Variants in RIMBP2 observed in about 807,000 individuals in gnomAD.
The protein encoded by RIMBP2 is RIMS binding protein 2.
RIMBP2 carries 48 observed loss-of-function variants against 118.6 expected under a neutral mutation model. That is an observed-to-expected ratio of 0.40 (90% CI 0.32 to 0.51). The LOEUF (loss-of-function observed/expected upper bound fraction) is 0.51. Among genes scored for constraint, RIMBP2 ranks in the 20% least tolerant of loss-of-function variants. The pLI is 0.41. For missense variants in RIMBP2, 1,551 were observed against 1,768.3 expected (o/e 0.88, Z 2.20); for synonymous variants, 762 against 742.9 (o/e 1.03, Z -0.42).
At chr12:130,653,366 A>C (rs2063303299) in intron 1 of RIMBP2, among the ~76,000 whole-genome samples, 1 of 152,226 alleles carries the variant, frequency 6.6e-6, no homozygotes, top group Non-Finnish European at 1.5e-5. Context: ...TTAGATCTTA[A>C]ATCTCCAAAA....
chr12:130,612,087 A>G (rs2060591030), intron 2 of RIMBP2, among the ~76,000 whole-genome samples: 1 of 152,152 alleles, frequency 6.6e-6, no homozygotes, highest in South Asian at 2.1e-4. Flanking sequence ...ACAGTGTGCC[A>G]GGGCAGGTGC....
chr12:130,651,376 G>C (rs566216463), intron 1 of RIMBP2: 1 of 152,328 alleles, frequency 6.6e-6, no homozygotes, highest in Non-Finnish European at 1.5e-5. Flanking sequence ...GCGTTGAGGA[G>C]GCTGTCAACA....
chr12:130,526,178 T>C (rs1443624490), intron 2 of RIMBP2, among the ~76,000 whole-genome samples: 3 of 152,084 alleles, frequency 2.0e-5, no homozygotes, highest in African/African-American at 4.8e-5. Flanking sequence ...ACAAAAATAT[T>C]TCCTGGTATT....
chr12:130,565,206 C>T (rs1387839345), intron 2 of RIMBP2, among the ~76,000 whole-genome samples: 1 of 152,054 alleles, frequency 6.6e-6, no homozygotes, highest in Non-Finnish European at 1.5e-5. Flanking sequence ...CCTTGACCTC[C>T]CAAGTTCAGA....
At chr12:130,410,740 C>T (rs188726911) in intron 19 of RIMBP2, among the ~76,000 whole-genome samples, 3 of 152,302 alleles carry the variant, frequency 2.0e-5, no homozygotes, top group Non-Finnish European at 2.9e-5. Context: ...TCCAATACCA[C>T]GTTGTCTCGA....
chr12:130,451,309 C>A lies in RIMBP2; in HGVS notation c.390G>T (p.Ala130=). The change falls in exon 8 of 23, where the codon GCG becomes GCT. Residue 130 remains alanine (A), a synonymous_variant. Transcript: ENST00000690449. The stretch of plus-strand genomic sequence containing the variant: ...GAAGGGGCCGGATATATTCACCGAT[C>A]GCAGAGCTGCCTCCAATAGCGCTCT... ...GQESAIGGSS[A]IGEYIRPLPQ... is the part of the protein sequence containing the mutation. 4 of 1,613,920 alleles carry A rather than the reference C, an allele frequency of 2.5e-6. No homozygotes were observed. Among genetic ancestry groups the A allele is most frequent in the Non-Finnish European group, 3.4e-6 (4 of 1,179,826 alleles).
At chr12:130,646,719 C>T (rs950328262) in intron 1 of RIMBP2, among the ~76,000 whole-genome samples, 15 of 152,362 alleles carry the variant, frequency 9.8e-5, no homozygotes, top group African/African-American at 3.1e-4. Flanking sequence ...GGAAAAAAAT[C>T]GTTGATGTCA....
chr12:130,485,703 G>T (rs1036147366), intron 4 of RIMBP2, among the ~76,000 whole-genome samples: 2 of 152,188 alleles, frequency 1.3e-5, no homozygotes, highest in Non-Finnish European at 2.9e-5. Context: ...ACCAGGACTC[G>T]CTAGGTAGAT....
At chr12:130,456,425 G>T in intron 7 of RIMBP2, 71 bp downstream of exon 7, 1 of 1,382,852 alleles carries the variant, frequency 7.2e-7, no homozygotes, top group Non-Finnish European at 9.9e-7. Flanking sequence ...TTTCACCTGT[G>T]CACACCCTCG....
At chr12:130,476,279 T>C (rs1445748736) in intron 5 of RIMBP2, among the ~76,000 whole-genome samples, 2 of 152,122 alleles carry the variant, frequency 1.3e-5, no homozygotes, top group Non-Finnish European at 2.9e-5. Flanking sequence ...TGACGGCAAG[T>C]TCAAGAAAGA....
intron 1 of RIMBP2, among the ~76,000 whole-genome samples, chr12:130,663,509 T>G (rs2063746295): frequency 6.6e-6 from 1 of 151,686 alleles, no homozygotes; most frequent in Non-Finnish European, 1.5e-5. Flanking sequence ...TTTATAAAAG[T>G]ACAAAGTGCC....
rs1029767704 is a variant in RIMBP2, at chr12:130,411,732, T to A, written c.3589+887A>T. Among the ~76,000 whole-genome samples the A allele has an allele frequency of 2.6e-5, 4 of 152,166 alleles. No individual in the cohort carries two copies. The South Asian group carries it at 6.2e-4, about 24-fold the overall frequency. ...GGATAAAGGGCTCAAAGATCTTCGA[T>A]CTCATGGATTTAATGTGGGCGATAT... On this transcript the variant is annotated intron_variant, in intron 19 of 22. Coordinates refer to ENST00000690449, the MANE Select transcript of RIMBP2 (RefSeq NM_001393629.1).
At chr12:130,602,969 G>GT (rs1678001155) in intron 2 of RIMBP2, among the ~76,000 whole-genome samples, 1 of 152,090 alleles carries the variant, frequency 6.6e-6, no homozygotes, top group South Asian at 2.1e-4. Flanking sequence ...TAGAGATGAG[G>GT]TTTTCAGTTG....
chr12:130,715,038 G>A (rs11061102), intron 1 of RIMBP2, among the ~76,000 whole-genome samples: 69,518 of 152,006 alleles, frequency 0.46, 15,962 homozygotes, highest in Admixed American at 0.52. Flanking sequence ...CTGGCCTGCC[G>A]CAGGGCCCAG....
intron 5 of RIMBP2, chr12:130,472,051 G>A (rs2081055682): frequency 6.6e-6 from 1 of 152,390 alleles, no homozygotes; most frequent in Non-Finnish European, 1.5e-5. Context: ...GAGTGGCTGG[G>A]GGTCTCCACA....
Position 130,532,709 on chromosome 12 carries a change from T to G in RIMBP2, c.-216-14792A>C, listed in dbSNP as rs748142552. Among the ~76,000 whole-genome samples the G allele has an allele frequency of 1.1e-3, 114 of 103,106 alleles. 5 individuals are homozygous for G. The highest frequency in any genetic ancestry group is 1.4e-3 in the East Asian group (3 of 2,180). The allele number at this position is 103,106 out of a possible 152,430, so 67.6% of individuals were successfully genotyped here. A position where few individuals can be genotyped will look rare whatever the true frequency, so the allele number is the denominator to read the frequency against. ...GATGCGTGTGTTCAGCCTCTAGGAG[T>G]TACGTCTAATGAGATGTGTGTGTTC... On this transcript the variant is annotated intron_variant, in intron 2 of 22. Transcript: ENST00000690449.
chr12:130,411,757 T>C (rs1248117132), intron 19 of RIMBP2, among the ~76,000 whole-genome samples: 1 of 152,176 alleles, frequency 6.6e-6, no homozygotes, highest in Non-Finnish European at 1.5e-5. Context: ...GTGGGCGATA[T>C]ATTCACACTA....
chr12:130,473,122 T>C (rs1469056512), intron 5 of RIMBP2, among the ~76,000 whole-genome samples: 1 of 152,224 alleles, frequency 6.6e-6, no homozygotes, highest in Non-Finnish European at 1.5e-5. Flanking sequence ...AAGCTGGCAG[T>C]ACAACTTCGC....
intron 1 of RIMBP2, chr12:130,657,701 G>A (rs1391789305): frequency 1.3e-5 from 1 of 77,618 alleles, no homozygotes; most frequent in Non-Finnish European, 3.0e-5. Context: ...CCCCAGCTGC[G>A]GGGGGCAGTG....
Sources: gnomAD v4.1 joint callset for allele counts (sites outside exome capture counted in the v4.1 genomes callset) on GRCh38, gnomAD v4.1.1 for gene constraint, MANE v1.5 for transcripts, NCBI Gene and HGNC (gene_info 2026-07-23, HGNC 2026-07-21) for gene names.